Variants in PDE3A observed in about 807,000 individuals in gnomAD.
PDE3A encodes the protein phosphodiesterase 3A.
PDE3A carries 43 observed loss-of-function variants against 98.3 expected under a neutral mutation model. The observed-to-expected ratio is 0.44, with a 90% CI of 0.34 to 0.56. The LOEUF is 0.56. Ranked by LOEUF, PDE3A falls within the 20% of genes least tolerant of loss-of-function variation. The probability of loss-of-function intolerance (pLI) is 0.01; values close to 1 mark genes in which losing one functional copy is unlikely to be tolerated. For synonymous variants in PDE3A, 663 were observed against 567.9 expected, an observed-to-expected ratio of 1.17 and a Z score of -2.38; for missense variants, 1,427 against 1,440.7, an observed-to-expected ratio of 0.99 and a Z score of 0.15.
intron 2 of PDE3A, among the ~76,000 whole-genome samples, chr12:20,609,160 T>C (rs2121436966): frequency 6.6e-6 from 1 of 152,162 alleles, no homozygotes; most frequent in South Asian, 2.1e-4. Flanking sequence ...TCTTTATATG[T>C]AGAAAACCAC....
chr12:20,414,350 A>C (rs1348495167), intron 1 of PDE3A, among the ~76,000 whole-genome samples: 5 of 152,204 alleles, frequency 3.3e-5, no homozygotes, highest in African/African-American at 1.2e-4. Context: ...CAAATCATAT[A>C]GCAGGAAAAA....
intron 1 of PDE3A, among the ~76,000 whole-genome samples, chr12:20,436,177 T>A (rs1281304081): frequency 6.6e-6 from 1 of 152,130 alleles, no homozygotes; most frequent in African/African-American, 2.4e-5. Flanking sequence ...GTATGCAAAT[T>A]TTCCTAAACA....
At chr12:20,382,499 T>C (rs1943679760) in intron 1 of PDE3A, among the ~76,000 whole-genome samples, 1 of 151,946 alleles carries the variant, frequency 6.6e-6, no homozygotes, top group Admixed American at 6.6e-5. Context: ...TTAACCACCC[T>C]GGATATCAAT....
intron 1 of PDE3A, among the ~76,000 whole-genome samples, chr12:20,513,098 T>A (rs530303567): frequency 6.6e-6 from 1 of 152,282 alleles, no homozygotes; most frequent in African/African-American, 2.4e-5. Context: ...TAACATAATG[T>A]ATGCCCTTGA....
intron 4 of PDE3A, among the ~76,000 whole-genome samples, chr12:20,617,638 T>C (rs1159250238): frequency 6.6e-6 from 1 of 152,146 alleles, no homozygotes; most frequent in African/African-American, 2.4e-5. Flanking sequence ...GAATTATGTT[T>C]TCAGCATGTA....
chr12:20,472,224 A>T (rs1688108700), intron 1 of PDE3A, among the ~76,000 whole-genome samples: 1 of 152,176 alleles, frequency 6.6e-6, no homozygotes, highest in Non-Finnish European at 1.5e-5. Flanking sequence ...GGAAGGGATT[A>T]CTCAGTTGTT....
chr12:20,559,510 ATAG>A (rs1326770895), intron 2 of PDE3A, among the ~76,000 whole-genome samples: 1 of 150,672 alleles, frequency 6.6e-6, no homozygotes, highest in African/African-American at 2.4e-5. Context: ...AATAATAATA[ATAG>A]TAATAATAAT....
chr12:20,602,760 C>T (rs1943621914), intron 2 of PDE3A, among the ~76,000 whole-genome samples: 1 of 152,154 alleles, frequency 6.6e-6, no homozygotes, highest in African/African-American at 2.4e-5. Context: ...AATACGCAAA[C>T]ATCTGCTTCC....
At chr12:20,679,487 T>C (rs776909552) in intron 15 of PDE3A, among the ~76,000 whole-genome samples, 2 of 152,154 alleles carry the variant, frequency 1.3e-5, no homozygotes, top group Non-Finnish European at 2.9e-5. Context: ...GAGCTCGTGA[T>C]TCGCCCGCCT....
At chr12:20,523,496 C>T (rs2121159681) in intron 1 of PDE3A, among the ~76,000 whole-genome samples, 1 of 152,296 alleles carries the variant, frequency 6.6e-6, no homozygotes, top group East Asian at 1.9e-4. Context: ...CTTTGGTCTG[C>T]AGAGCCAAAA....
rs1944134364 is a variant in PDE3A at position 20,621,408 on chromosome 12, C to G, written c.1537C>G (p.Pro513Ala). Residue 513 changes from proline to alanine, a missense_variant, in exon 5 of 16, where the codon CCA (proline) becomes GCA (alanine). Coordinates refer to ENST00000359062, the MANE Select transcript of PDE3A (RefSeq NM_000921.5). ...NHVKAKKQSR[P>A]GALAKISPLS... ...TGTAAAGGCTAAAAAGCAAAGTCGA[C>G]CAGGTAAGTAACTTAACTGGAGAAG... The G allele has an allele frequency of 1.9e-6, 3 of 1,558,008 alleles. No homozygotes were observed. Among genetic ancestry groups the G allele is most frequent in the Admixed American group, 1.7e-5 (1 of 59,874 alleles).
At chr12:20,558,374 A>G (rs767546419) in intron 2 of PDE3A, among the ~76,000 whole-genome samples, 3 of 152,078 alleles carry the variant, frequency 2.0e-5, no homozygotes, top group Non-Finnish European at 4.4e-5. Context: ...TGAAAGCCTG[A>G]GGTGGTTCTA....
intron 15 of PDE3A, among the ~76,000 whole-genome samples, chr12:20,665,025 C>CTT (rs1945273617): frequency 6.6e-6 from 1 of 152,156 alleles, no homozygotes; most frequent in Non-Finnish European, 1.5e-5. Flanking sequence ...TATTTATTGA[C>CTT]TTTTCTTCAT....
At chr12:20,671,527 A>C (rs1945481938) in intron 15 of PDE3A, among the ~76,000 whole-genome samples, 2 of 151,582 alleles carry the variant, frequency 1.3e-5, no homozygotes, top group South Asian at 4.2e-4. Context: ...CATCCCTGGG[A>C]TGCAAGGCTG....
At chr12:20,497,690 G>GATGGAAAGA (rs1182262595) in intron 1 of PDE3A, among the ~76,000 whole-genome samples, 1 of 152,136 alleles carries the variant, frequency 6.6e-6, no homozygotes, top group Non-Finnish European at 1.5e-5. Flanking sequence ...ATTCAAAAGA[G>GATGGAAAGA]ATGGAAAGAA....
chr12:20,631,974 G>A (rs986492910), intron 6 of PDE3A, among the ~76,000 whole-genome samples: 7 of 152,042 alleles, frequency 4.6e-5, no homozygotes, highest in South Asian at 2.1e-4. Flanking sequence ...AGAGTTTGGC[G>A]TTGAATCCCA....
Position 20,436,601 on chromosome 12 carries a change from C to G in PDE3A, c.960+66357C>G, listed in dbSNP as rs1402224508. ...TCAGGAGACATGAATGATTTCATCT[C>G]CAGGATTCTGGTTTTTAGTCACCTT... On this transcript the variant is annotated intron_variant, in intron 1 of 15. Coordinates refer to ENST00000359062, the MANE Select transcript of PDE3A (RefSeq NM_000921.5). 7.9e-5 allele frequency among the ~76,000 whole-genome samples: 12 copies of G among 152,234 alleles called. 1 individual carries two copies. The highest frequency in any genetic ancestry group is 7.9e-4 in the Admixed American group (12 of 15,278).
rs531791643 is a variant in PDE3A, at chr12:20,638,780, C to G, written c.2140-1066C>G. On this transcript the variant is annotated intron_variant, in intron 9 of 15. Transcript: ENST00000359062. ...GTGTGTTCCCTGGTATAGAGAGACA[C>G]ATCTCATCTCATTTTATATTTGATG... Among the ~76,000 whole-genome samples the G allele has an allele frequency of 3.3e-5, 5 of 152,146 alleles. No individual in the cohort carries two copies. The East Asian group carries it at 7.7e-4, about 24-fold the overall frequency.
intron 13 of PDE3A, among the ~76,000 whole-genome samples, chr12:20,649,272 G>T (rs1459934825): frequency 6.6e-6 from 1 of 151,988 alleles, no homozygotes; most frequent in East Asian, 1.9e-4. Context: ...AGATATCATG[G>T]AAGCAAACTG....
Sources: gnomAD v4.1 joint callset for allele counts (sites outside exome capture counted in the v4.1 genomes callset) on GRCh38, gnomAD v4.1.1 for gene constraint, MANE v1.5 for transcripts, NCBI Gene and HGNC (gene_info 2026-07-23, HGNC 2026-07-21) for gene names.